AGMO: variants seen among roughly 807,000 people sequenced by gnomAD.
AGMO encodes the protein alkylglycerol monooxygenase, also known as glyceryl-ether monooxygenase.
Under a neutral mutation model 60.2 loss-of-function variants are expected in AGMO, and 75 were observed. That is an observed-to-expected ratio of 1.25 (90% CI 1.03 to 1.51). AGMO has a LOEUF of 1.51. Ranked by LOEUF, AGMO falls within the 40% of genes most tolerant of loss-of-function variation. The pLI, the probability that AGMO is intolerant of heterozygous loss-of-function variation, is 0.00. For missense variants in AGMO, 763 were observed against 525.5 expected, an observed-to-expected ratio of 1.45 and a Z score of -4.42; for synonymous variants, 261 against 177.1, an observed-to-expected ratio of 1.47 and a Z score of -3.76.
chr7:15,395,628 T>G (rs1291454211), intron 5 of AGMO, among the ~76,000 whole-genome samples: 1 of 152,176 alleles, frequency 6.6e-6, no homozygotes, highest in Non-Finnish European at 1.5e-5. Context: ...AAAGGACAAC[T>G]GATGCAAATT....
At chr7:15,369,904 T>C (rs904237121) in intron 10 of AGMO, among the ~76,000 whole-genome samples, 12 of 152,202 alleles carry the variant, frequency 7.9e-5, no homozygotes, top group African/African-American at 2.7e-4. Flanking sequence ...TATTTCATTT[T>C]TTACAAATTC....
chr7:15,374,484 A>T (rs1272594961), intron 10 of AGMO, among the ~76,000 whole-genome samples: 4 of 152,128 alleles, frequency 2.6e-5, no homozygotes, highest in Admixed American at 6.6e-5. Context: ...TTTTATAAAT[A>T]CCAAAATATT....
intron 12 of AGMO, among the ~76,000 whole-genome samples, chr7:15,331,167 C>T (rs1177735476): frequency 6.6e-6 from 1 of 152,092 alleles, no homozygotes; most frequent in Non-Finnish European, 1.5e-5. Context: ...ATCCTTCTGT[C>T]CTACTCTAGC....
At chr7:15,379,147 A>G (rs970874919) in intron 10 of AGMO, among the ~76,000 whole-genome samples, 1 of 152,122 alleles carries the variant, frequency 6.6e-6, no homozygotes, top group Non-Finnish European at 1.5e-5. Context: ...TTATAGCACT[A>G]GAAGTCCACA....
chr7:15,488,391 G>A (rs1782976668), intron 3 of AGMO, among the ~76,000 whole-genome samples: 1 of 152,106 alleles, frequency 6.6e-6, no homozygotes, highest in African/African-American at 2.4e-5. Flanking sequence ...GTCTTTCAGA[G>A]AAACACACTA....
chr7:15,337,822 G>A (rs1202439783), intron 12 of AGMO, among the ~76,000 whole-genome samples: 1 of 152,192 alleles, frequency 6.6e-6, no homozygotes, highest in Non-Finnish European at 1.5e-5. Flanking sequence ...CTTTTAACCA[G>A]GGGCAGATAT....
intron 4 of AGMO, among the ~76,000 whole-genome samples, chr7:15,428,544 G>C (rs768367446): frequency 3.3e-5 from 5 of 152,036 alleles, no homozygotes; most frequent in Non-Finnish European, 5.9e-5. Context: ...ATAAAGAAAA[G>C]GACACAAGAG....
chr7:15,465,053 A>G (rs935859342), intron 3 of AGMO, among the ~76,000 whole-genome samples: 1 of 152,152 alleles, frequency 6.6e-6, no homozygotes, highest in Non-Finnish European at 1.5e-5. Flanking sequence ...AGGAAGCACT[A>G]TCTTTTACTG....
In AGMO at chr7:15,393,871, G is replaced by C. The variant is rs753244067; in HGVS notation, c.676+242C>G. 3.3e-4 allele frequency among the ~76,000 whole-genome samples: 50 copies of C among 152,150 alleles called. 1 individual carries two copies. Among genetic ancestry groups the C allele is most frequent in the Non-Finnish European group, 5.6e-4 (38 of 68,010 alleles). On this transcript the variant is annotated intron_variant, in intron 6 of 12. Transcript: ENST00000342526. Reference sequence around the variant, plus strand: ...TCTACAACAGTGGAGCTAAGATTTAGGTAGAAAGAAAAATCCAAAAGTCAG... The same window carrying C: ...TCTACAACAGTGGAGCTAAGATTTACGTAGAAAGAAAAATCCAAAAGTCAG...
chr7:15,155,092 G>C, the AGMO span, among the ~76,000 whole-genome samples: 1 of 152,012 alleles, frequency 6.6e-6, no homozygotes, highest in Non-Finnish European at 1.5e-5. Context: ...TGGTTATATT[G>C]TATTGCATAT....
intron 3 of AGMO, among the ~76,000 whole-genome samples, chr7:15,465,357 G>A (rs150829893): frequency 1.0e-3 from 154 of 149,342 alleles, no homozygotes; most frequent in Admixed American, 1.9e-3. Flanking sequence ...ATATACACAC[G>A]CACACACACA....
intron 5 of AGMO, among the ~76,000 whole-genome samples, chr7:15,397,445 G>A (rs966571065): frequency 1.3e-5 from 2 of 152,118 alleles, no homozygotes; most frequent in African/African-American, 2.4e-5. Flanking sequence ...CCCCACAGAG[G>A]GCCCCCCACA....
chr7:15,199,953 G>A (rs939694103), downstream of AGMO, among the ~76,000 whole-genome samples: 2 of 152,038 alleles, frequency 1.3e-5, no homozygotes, highest in Non-Finnish European at 2.9e-5. Context: ...ATAGACACCT[G>A]CAGTCTGATT....
chr7:15,308,444 G>A (rs181654758), intron 12 of AGMO, among the ~76,000 whole-genome samples: 35 of 152,046 alleles, frequency 2.3e-4, no homozygotes, highest in Non-Finnish European at 4.3e-4. Context: ...CTCTTACAGC[G>A]TTTGCTTACT....
the AGMO span, among the ~76,000 whole-genome samples, chr7:15,121,059 G>C: frequency 6.6e-6 from 1 of 152,078 alleles, no homozygotes; most frequent in African/African-American, 2.4e-5. Context: ...ACATGTAAGT[G>C]AGAACATGCA....
At chr7:15,368,508 A>G (rs1190681905) in intron 10 of AGMO, among the ~76,000 whole-genome samples, 2 of 152,142 alleles carry the variant, frequency 1.3e-5, no homozygotes, top group Non-Finnish European at 2.9e-5. Flanking sequence ...CCATGTAAAC[A>G]TGAGCAAATT....
At chr7:15,493,364 T>A (rs376676906) in intron 3 of AGMO, among the ~76,000 whole-genome samples, 3 of 28,948 alleles carry the variant, frequency 1.0e-4, no homozygotes, top group Non-Finnish European at 1.9e-4. Flanking sequence ...CACACACACT[T>A]CTTTTTTTTT....
chr7:15,462,935 A>G (rs1448156706), intron 3 of AGMO, among the ~76,000 whole-genome samples: 1 of 152,184 alleles, frequency 6.6e-6, no homozygotes, highest in Non-Finnish European at 1.5e-5. Context: ...TATAAGCTAC[A>G]CAACGTCAGG....
intron 5 of AGMO, among the ~76,000 whole-genome samples, chr7:15,412,639 G>A (rs192871679): frequency 1.6e-4 from 24 of 146,952 alleles, no homozygotes; most frequent in Admixed American, 2.1e-4. Context: ...TTCAAATCCT[G>A]CCACGTGAGA....
Sources: gnomAD v4.1 joint callset for allele counts (sites outside exome capture counted in the v4.1 genomes callset) on GRCh38, gnomAD v4.1.1 for gene constraint, MANE v1.5 for transcripts, NCBI Gene and HGNC (gene_info 2026-07-23, HGNC 2026-07-21) for gene names.